The following SENP6 variants were observed in gnomAD, a reference collection of about 807,000 sequenced individuals.
The protein encoded by SENP6 is SUMO specific peptidase 6, also known as sentrin-specific protease 6.
SENP6 carries 41 observed loss-of-function variants against 134.5 expected under a neutral mutation model. The ratio of observed to expected loss-of-function variants is 0.30; its 90% CI spans 0.24 to 0.40. The LOEUF is 0.40. Ranked by LOEUF, SENP6 falls within the 10% of genes least tolerant of loss-of-function variation. The probability of loss-of-function intolerance (pLI) is 1.00; values close to 1 mark genes in which losing one functional copy is unlikely to be tolerated. For synonymous variants in SENP6, 395 were observed against 429.8 expected, an observed-to-expected ratio of 0.92 and a Z score of 1.00; for missense variants, 1,248 against 1,312.5, an observed-to-expected ratio of 0.95 and a Z score of 0.76.
intron 1 of SENP6, among the ~76,000 whole-genome samples, chr6:75,619,493 T>C (rs899052602): frequency 1.3e-5 from 2 of 151,466 alleles, no homozygotes; most frequent in African/African-American, 4.9e-5. Flanking sequence ...ACACACATAC[T>C]GTATTTTGTT....
intron 16 of SENP6, among the ~76,000 whole-genome samples, chr6:75,687,867 C>T (rs1773957459): frequency 6.6e-6 from 1 of 152,212 alleles, no homozygotes; most frequent in African/African-American, 2.4e-5. Context: ...GGACCCACTT[C>T]AGGAGGCATT....
At chr6:75,676,800 TTAGAG>T (rs1582835279) in intron 13 of SENP6, 2 of 385,510 alleles carry the variant, frequency 5.2e-6, no homozygotes, top group East Asian at 4.2e-5. Context: ...TGAACTGTTG[TTAGAG>T]TAATGTATTC....
intron 19 of SENP6, among the ~76,000 whole-genome samples, chr6:75,704,088 G>A (rs1158658835): frequency 6.6e-6 from 1 of 152,068 alleles, no homozygotes; most frequent in African/African-American, 2.4e-5. Flanking sequence ...CTGAAGGGGT[G>A]GCCTGCCCTT....
chr6:75,663,111 C>T (rs547591627), intron 8 of SENP6, 110 bp from the exon 9 acceptor site: 1 of 1,042,162 alleles, frequency 9.6e-7, no homozygotes, highest in South Asian at 1.5e-5. Flanking sequence ...TCTTTTATTT[C>T]TTTTGTTCTT....
At chr6:75,681,172 G>C (rs1157666879) in intron 16 of SENP6, among the ~76,000 whole-genome samples, 1 of 152,204 alleles carries the variant, frequency 6.6e-6, no homozygotes, top group Non-Finnish European at 1.5e-5. Flanking sequence ...TGTTGGAAGA[G>C]GGGCCTTGTG....
At chr6:75,680,290 G>A (rs115852067) in intron 16 of SENP6, among the ~76,000 whole-genome samples, 301 of 152,298 alleles carry the variant, frequency 2.0e-3, no homozygotes, top group African/African-American at 6.8e-3. Context: ...TGGGTGAGGA[G>A]GGGATAAGTT....
rs1416279990 is a variant in SENP6, at chr6:75,715,610, G to A, written c.*16G>A. The A allele has an allele frequency of 2.5e-6, 4 of 1,584,332 alleles. No individual in the cohort carries two copies. The highest frequency in any genetic ancestry group is 2.7e-5 in the African/African-American group (2 of 73,856). On this transcript the variant is annotated 3_prime_UTR_variant, in exon 24 of 24. Transcript: ENST00000447266. ...CTCAGATTGACCATTTCTGTTACTTGTCATTTCTACTTTCAGAAACTAAAT... is the reference window on the plus strand; with the variant it reads ...CTCAGATTGACCATTTCTGTTACTTATCATTTCTACTTTCAGAAACTAAAT...
At chr6:75,635,163 A>T (rs1162664352) in intron 5 of SENP6, 9 of 325,600 alleles carry the variant, frequency 2.8e-5, no homozygotes, top group Non-Finnish European at 5.4e-5. Context: ...TTAATACCGT[A>T]CTTTCTTTAT....
chr6:75,605,736 C>T (rs573620761), intron 1 of SENP6, among the ~76,000 whole-genome samples: 1 of 151,990 alleles, frequency 6.6e-6, no homozygotes, highest in African/African-American at 2.4e-5. Context: ...TCTTTCTCAG[C>T]GGGAAGCCAT....
chr6:75,711,495 T>TA, intron 21 of SENP6, 79 bp downstream of exon 21: 1 of 880,928 alleles, frequency 1.1e-6, no homozygotes, highest in Non-Finnish European at 1.7e-6. Context: ...GTTTTTTTTT[T>TA]AAATAAATAC....
intron 13 of SENP6, 87 bp downstream of exon 13, chr6:75,676,141 G>C (rs757216987): frequency 4.6e-4 from 366 of 799,336 alleles, no homozygotes; most frequent in Non-Finnish European, 6.6e-4. Context: ...AGTGCACTTT[G>C]ACAGATGCCT....
intron 1 of SENP6, among the ~76,000 whole-genome samples, chr6:75,615,242 A>ATGATC (rs1303897190): frequency 2.6e-5 from 4 of 151,720 alleles, no homozygotes; most frequent in Admixed American, 6.6e-5. Flanking sequence ...GTGCAGTGGC[A>ATGATC]TGATCTCAGC....
intron 11 of SENP6, among the ~76,000 whole-genome samples, chr6:75,670,982 A>G (rs1172243995): frequency 6.6e-6 from 1 of 152,156 alleles, no homozygotes; most frequent in Non-Finnish European, 1.5e-5. Flanking sequence ...ACCTTCCAAT[A>G]TGTTAGTTTT....
intron 10 of SENP6, among the ~76,000 whole-genome samples, chr6:75,668,895 A>G (rs1448928714): frequency 1.3e-5 from 2 of 152,174 alleles, no homozygotes; most frequent in Non-Finnish European, 2.9e-5. Context: ...GAGGGTGTGG[A>G]CCATTCATAT....
intron 7 of SENP6, among the ~76,000 whole-genome samples, chr6:75,653,850 G>T (rs1771105500): frequency 6.6e-6 from 1 of 152,150 alleles, no homozygotes; most frequent in Non-Finnish European, 1.5e-5. Context: ...TCAGAAAGTA[G>T]TATGTAAAAG....
At chr6:75,695,512 G>A (rs535816391) in intron 16 of SENP6, among the ~76,000 whole-genome samples, 3 of 152,284 alleles carry the variant, frequency 2.0e-5, no homozygotes, top group East Asian at 3.9e-4. Context: ...TGAGGCGGGC[G>A]GATTACTTGA....
chr6:75,673,079 G>A (rs552761460), intron 11 of SENP6, among the ~76,000 whole-genome samples: 3 of 152,004 alleles, frequency 2.0e-5, no homozygotes, highest in South Asian at 2.1e-4. Flanking sequence ...CGCCCATCTC[G>A]GCCTCCCAAA....
At position 75,666,776 on chromosome 6, in the gene SENP6, T is replaced by G. The variant is rs550493481; in HGVS notation, c.1059T>G (p.Pro353=). 2 of 1,612,968 alleles carry G rather than the reference T, an allele frequency of 1.2e-6. No individual in the cohort carries two copies. Among genetic ancestry groups the G allele is most frequent in the Admixed American group, 3.3e-5 (2 of 60,000 alleles). ...DRTNRRESIS[P]QPADSACSSP... ...CTAACAGAAGAGAAAGCATATCTCCTCAGCCTGCTGATTCAGCATGTTCTT... is the reference window on the plus strand; with the variant it reads ...CTAACAGAAGAGAAAGCATATCTCCGCAGCCTGCTGATTCAGCATGTTCTT... The change falls in exon 10 of 24, where the codon CCT becomes CCG. Residue 353 remains proline (P), a synonymous_variant. Coordinates refer to ENST00000447266, the MANE Select transcript of SENP6 (RefSeq NM_015571.4).
At chr6:75,633,475 C>T in intron 3 of SENP6, 106 bp from the exon 4 acceptor site, 2 of 910,134 alleles carry the variant, frequency 2.2e-6, no homozygotes, top group Non-Finnish European at 1.6e-6. Flanking sequence ...ACCATCATTC[C>T]CAATAGCTGT....
Sources: gnomAD v4.1 joint callset for allele counts (sites outside exome capture counted in the v4.1 genomes callset) on GRCh38, gnomAD v4.1.1 for gene constraint, MANE v1.5 for transcripts, NCBI Gene and HGNC (gene_info 2026-07-23, HGNC 2026-07-21) for gene names.